REV3L: variants seen among roughly 807,000 people sequenced by gnomAD.
REV3L encodes DNA polymerase zeta catalytic subunit.
REV3L carries 69 observed loss-of-function variants against 299.4 expected under a neutral mutation model. That is an observed-to-expected ratio of 0.23 (90% CI 0.19 to 0.28). REV3L has a LOEUF of 0.28. Among genes scored for constraint, REV3L ranks in the 10% least tolerant of loss-of-function variants. REV3L has a pLI of 1.00. For missense variants in REV3L, 3,128 were observed against 3,693.8 expected, an observed-to-expected ratio of 0.85 and a Z score of 3.97; for synonymous variants, 1,238 against 1,271.4, an observed-to-expected ratio of 0.97 and a Z score of 0.56.
intron 21 of REV3L, among the ~76,000 whole-genome samples, chr6:111,341,232 G>T (rs973526678): frequency 2.6e-5 from 4 of 152,082 alleles, no homozygotes; most frequent in Non-Finnish European, 4.4e-5. Context: ...ATTTTTAATA[G>T]AGATGGGGTT....
At chr6:111,341,570 T>C (rs987476837) in intron 21 of REV3L, among the ~76,000 whole-genome samples, 6 of 152,218 alleles carry the variant, frequency 3.9e-5, no homozygotes, top group Admixed American at 3.3e-4. Context: ...TTCACTCATT[T>C]AAAAAATTAG....
At chr6:111,320,990 A>G (rs1774112532) in intron 26 of REV3L, among the ~76,000 whole-genome samples, 1 of 152,190 alleles carries the variant, frequency 6.6e-6, no homozygotes. Flanking sequence ...TGGTGATCAA[A>G]AGTTTTAATG....
At chr6:111,435,899 G>A (rs972458254) in intron 1 of REV3L, among the ~76,000 whole-genome samples, 18 of 152,212 alleles carry the variant, frequency 1.2e-4, no homozygotes, top group African/African-American at 1.7e-4. Flanking sequence ...ATATTCACAC[G>A]CTACTCATCT....
At chr6:111,437,930 T>C (rs964933334) in intron 1 of REV3L, among the ~76,000 whole-genome samples, 1 of 152,158 alleles carries the variant, frequency 6.6e-6, no homozygotes, top group African/African-American at 2.4e-5. Context: ...CACAGTTCAC[T>C]GCAGGTCTGA....
chr6:111,431,483 C>G, intron 1 of REV3L: 1 of 1,019,694 alleles, frequency 9.8e-7, no homozygotes, highest in Non-Finnish European at 1.6e-6. Context: ...CCAGATTGCT[C>G]AGGGAGCTAG....
chr6:111,451,274 A>T (rs2128316730), intron 1 of REV3L, among the ~76,000 whole-genome samples: 1 of 152,320 alleles, frequency 6.6e-6, no homozygotes, highest in Middle Eastern at 3.4e-3. Flanking sequence ...TTGAGTCAGA[A>T]CATTTTAACT....
Position 111,333,251 on chromosome 6 carries a change from C to T in REV3L, c.7797G>A (p.Met2599Ile). 6.2e-7 allele frequency: 1 copy of T among 1,614,066 alleles called. No individual in the cohort carries two copies. Among genetic ancestry groups the T allele is most frequent in the Non-Finnish European group, 8.5e-7 (1 of 1,179,984 alleles). The change falls in exon 23 of 32, where the codon ATG (methionine) becomes ATA (isoleucine). Residue 2599 changes from methionine to isoleucine, a missense_variant. By Grantham distance (10) the Met-to-Ile change is conservative. Around this residue, in one of 9 missense-constraint regions of REV3L, gnomAD observed 149 missense variants for 286.4 expected, o/e 0.52. Transcript: ENST00000368802. The part of the protein sequence containing the change: ...MRAPQCVPLI[M>I]EPESRFYSNS... ...TGCTATAGAAGCGGGATTCAGGCTC[C>T]ATAATTAGAGGAACACACTGTGGGG...
chr6:111,308,246 C>G (rs763232633), intron 30 of REV3L: 6 of 453,706 alleles, frequency 1.3e-5, no homozygotes, highest in Admixed American at 2.4e-5. Flanking sequence ...CAATAAATCC[C>G]TTTGTAAAAA....
chr6:111,326,924 C>T (rs1774892753), intron 25 of REV3L, among the ~76,000 whole-genome samples: 1 of 152,060 alleles, frequency 6.6e-6, no homozygotes, highest in Non-Finnish European at 1.5e-5. Context: ...ATGATTTCAC[C>T]TAGAAGTTAA....
chr6:111,324,866 CTTT>C (rs11346378), intron 25 of REV3L, among the ~76,000 whole-genome samples: 9 of 143,972 alleles, frequency 6.3e-5, no homozygotes, highest in Admixed American at 2.1e-4. Flanking sequence ...GCTCAAAAGT[CTTT>C]TTTTTTTTTT....
chr6:111,478,255 T>C (rs561178368), intron 1 of REV3L, among the ~76,000 whole-genome samples: 1 of 152,354 alleles, frequency 6.6e-6, no homozygotes, highest in South Asian at 2.1e-4. Context: ...CACATTTCTA[T>C]AGTCCAGTCA....
chr6:111,431,076 T>C (rs1341616562), intron 1 of REV3L: 2 of 1,502,812 alleles, frequency 1.3e-6, no homozygotes, highest in East Asian at 4.5e-5. Context: ...ACTCCACATA[T>C]GCAAATATCA....
intron 24 of REV3L, chr6:111,331,018 A>G (rs1422983547): frequency 1.0e-6 from 1 of 985,218 alleles, no homozygotes; most frequent in Non-Finnish European, 1.2e-6. Context: ...TCTACCATCA[A>G]CCACTCTACT....
At chr6:111,363,657 A>G (rs1778921627) in intron 16 of REV3L, among the ~76,000 whole-genome samples, 196 bp downstream of exon 16, 1 of 152,200 alleles carries the variant, frequency 6.6e-6, no homozygotes, top group Non-Finnish European at 1.5e-5. Context: ...AGTCTCAGCA[A>G]CTTAAATGCT....
In REV3L at chr6:111,397,175, C is replaced by T. The variant is rs530616827; in HGVS notation, c.566-4203G>A. Reference sequence around the variant, plus strand: ...TCTTCTAATTTTGGCTTTGTTCTTGCTTTTCTAGTTTCTTAAAGTACATCA... The same window carrying T: ...TCTTCTAATTTTGGCTTTGTTCTTGTTTTTCTAGTTTCTTAAAGTACATCA... On this transcript the variant is annotated intron_variant, in intron 4 of 31. Coordinates refer to ENST00000368802, the MANE Select transcript of REV3L (RefSeq NM_001372078.1). 8.6e-5 allele frequency among the ~76,000 whole-genome samples: 13 copies of T among 150,934 alleles called. No individual in the cohort carries two copies. The East Asian group carries it at 2.3e-3, about 27-fold the overall frequency.
At chr6:111,329,423 C>T (rs1775165750) in intron 25 of REV3L, 109 bp downstream of exon 25, 5 of 957,362 alleles carry the variant, frequency 5.2e-6, no homozygotes, top group African/African-American at 3.2e-5. Context: ...GGCTGAAGAC[C>T]CCCGCACCAC....
chr6:111,480,405 G>C (rs1793471883), intron 1 of REV3L, among the ~76,000 whole-genome samples: 1 of 152,028 alleles, frequency 6.6e-6, no homozygotes, highest in Non-Finnish European at 1.5e-5. Context: ...AGTCAGACTG[G>C]CCTCTCTTTT....
At chr6:111,470,958 C>T (rs1018683962) in intron 1 of REV3L, among the ~76,000 whole-genome samples, 1 of 151,668 alleles carries the variant, frequency 6.6e-6, no homozygotes, top group Non-Finnish European at 1.5e-5. Context: ...CCAGCCTGGG[C>T]AACAGAGTGA....
At position 111,381,447 on chromosome 6, in the gene REV3L, T is replaced by C; in HGVS notation, c.1097-3A>G. 6.3e-7 allele frequency: 1 copy of C among 1,596,694 alleles called. No homozygotes were observed. The highest frequency in any genetic ancestry group is 1.1e-5 in the South Asian group (1 of 87,488). ...TTCCACTTTGTGTCTAGTGTGACCT[T>C]AATTTGACAAAGAATAAAAAAAATT... On this transcript the variant is annotated splice_region_variant and splice_polypyrimidine_tract_variant and intron_variant, in intron 9 of 31. Coordinates refer to ENST00000368802, the MANE Select transcript of REV3L (RefSeq NM_001372078.1).
Sources: allele counts gnomAD v4.1 joint callset (sites outside exome capture counted in the v4.1 genomes callset), GRCh38; gene constraint gnomAD v4.1.1; regional missense constraint gnomAD v4.1.1; transcripts MANE v1.5; gene names NCBI Gene and HGNC (gene_info 2026-07-23, HGNC 2026-07-21).